The following CDKL5 variants were observed in gnomAD, a reference collection of about 807,000 sequenced individuals.
The protein encoded by CDKL5 is cyclin-dependent kinase-like 5.
CDKL5 carries 8 observed loss-of-function variants against 61.7 expected under a neutral mutation model. The observed-to-expected ratio is 0.13, with a 90% confidence interval of 0.08 to 0.23. The LOEUF (loss-of-function observed/expected upper bound fraction) is 0.23. Ranked by LOEUF, CDKL5 falls within the 10% of genes least tolerant of loss-of-function variation. CDKL5 has a pLI of 1.00. For missense variants in CDKL5, 440 were observed against 734.5 expected (o/e 0.60, Z 4.63); for synonymous variants, 275 against 272.3 (o/e 1.01, Z -0.10).
At chrX:18,600,956 A>T (rs1926157449) in intron 11 of CDKL5, among the ~76,000 whole-genome samples, 1 of 111,870 alleles carries the variant, frequency 8.9e-6, no homozygotes, top group Admixed American at 9.4e-5. Flanking sequence ...ACACTGGTCT[A>T]TGGTCCATAC....
intron 3 of CDKL5, among the ~76,000 whole-genome samples, chrX:18,553,222 T>A (rs1924460917): frequency 9.0e-6 from 1 of 111,025 alleles, no homozygotes; most frequent in East Asian, 2.8e-4. Flanking sequence ...TTTACTGAGA[T>A]ATATGGGACA....
chrX:18,509,251 G>C (rs1475358629), intron 2 of CDKL5, among the ~76,000 whole-genome samples: 6 of 72,741 alleles, frequency 8.2e-5, no homozygotes, highest in Admixed American at 1.6e-4. Flanking sequence ...ACACACCCCT[G>C]TCAAGCAAAC....
rs1424986949 is a variant in CDKL5, at chrX:18,639,977, C to T, written c.*11220C>T. 2 of 111,720 alleles carry T rather than the reference C, an allele frequency of 1.8e-5. No individual in the cohort carries two copies. The highest frequency in any genetic ancestry group is 6.5e-5 in the African/African-American group (2 of 30,689). 9.2% of individuals were successfully genotyped at this position (111,720 alleles called of 1,213,427 possible). On this transcript the variant is annotated 3_prime_UTR_variant, in exon 18 of 18. Transcript: ENST00000623535. ...GGCCAATCTACAGAGACAGTCGATT[C>T]GTGGTTGCAGAGGGCTTGGGGTGGC...
chrX:18,517,067 G>C (rs1293596771), intron 3 of CDKL5, among the ~76,000 whole-genome samples: 1 of 111,746 alleles, frequency 8.9e-6, no homozygotes, highest in Non-Finnish European at 1.9e-5. Context: ...AGAGTTTTGG[G>C]CCTTTGCAAG....
chrX:18,615,035 T>C (rs1018619172), intron 15 of CDKL5, among the ~76,000 whole-genome samples: 1 of 112,415 alleles, frequency 8.9e-6, no homozygotes, highest in South Asian at 3.7e-4. Context: ...CGCGTGGATA[T>C]GTACAGAAAC....
intron 1 of CDKL5, among the ~76,000 whole-genome samples, chrX:18,455,169 A>G (rs1259457416): frequency 1.8e-5 from 2 of 111,818 alleles, no homozygotes; most frequent in East Asian, 2.8e-4. Flanking sequence ...TAGATAACCT[A>G]TGAAACTAGT....
At chrX:18,548,537 CTG>C (rs1430313616) in intron 3 of CDKL5, among the ~76,000 whole-genome samples, 1 of 112,345 alleles carries the variant, frequency 8.9e-6, no homozygotes, top group Non-Finnish European at 1.9e-5. Context: ...TCACTTTTCT[CTG>C]TAGATATGGT....
At chrX:18,476,599 A>AT (rs1921321795) in intron 1 of CDKL5, among the ~76,000 whole-genome samples, 2 of 111,832 alleles carry the variant, frequency 1.8e-5, no homozygotes, top group Admixed American at 1.9e-4. Flanking sequence ...TAAAGTCCAC[A>AT]TTCAGATTTT....
chrX:18,559,634 CTTTTTA>C (rs1224728940), intron 3 of CDKL5, among the ~76,000 whole-genome samples: 2 of 74,866 alleles, frequency 2.7e-5, no homozygotes, highest in Non-Finnish European at 5.3e-5. Flanking sequence ...TTTTTTTTTT[CTTTTTA>C]TTATTATTAT....
intron 4 of CDKL5, among the ~76,000 whole-genome samples, chrX:18,566,012 A>G (rs1203880857): frequency 8.9e-6 from 1 of 112,170 alleles, no homozygotes; most frequent in African/African-American, 3.2e-5. Flanking sequence ...GCAACAGTAG[A>G]TCAAAGCACA....
intron 1 of CDKL5, among the ~76,000 whole-genome samples, chrX:18,474,603 A>G (rs1453095709): frequency 8.9e-6 from 1 of 112,380 alleles, no homozygotes; most frequent in Non-Finnish European, 1.9e-5. Context: ...CAGTATAACA[A>G]TGCCCTTTTA....
intron 1 of CDKL5, chrX:18,443,976 CCTCTT>C (rs1931813173): frequency 1.8e-5 from 2 of 111,072 alleles, no homozygotes; most frequent in Non-Finnish European, 3.8e-5. Context: ...AATTCTCTCT[CCTCTT>C]GAGCTACTTT....
chrX:18,484,319 C>T (rs985263034), intron 1 of CDKL5, among the ~76,000 whole-genome samples: 5 of 107,822 alleles, frequency 4.6e-5, no homozygotes, highest in African/African-American at 1.7e-4. Context: ...ATAATCAATT[C>T]TTTTTTTTTG....
At chrX:18,652,517 A>T (rs1602317464) in intron 21 of CDKL5, among the ~76,000 whole-genome samples, 1 of 111,364 alleles carries the variant, frequency 9.0e-6, no homozygotes, top group African/African-American at 3.3e-5. Flanking sequence ...AAAAATACAA[A>T]AATTAGCCGA....
Position 18,632,436 on chromosome X carries a change from T to C in CDKL5, c.*3679T>C, listed in dbSNP as rs1927262414. 1 of 752,621 alleles carries C rather than the reference T, an allele frequency of 1.3e-6. No homozygotes were observed. The highest frequency in any genetic ancestry group is 1.6e-6 in the Non-Finnish European group (1 of 638,883). The allele number at this position is 752,621 out of a possible 1,213,427, so 62.0% of individuals were successfully genotyped here. ...GATTGGCATGATTTTTACCAACTGCTCAAAGGCATCCGTGGCTTTCAGCTG... is the reference window on the plus strand; with the variant it reads ...GATTGGCATGATTTTTACCAACTGCCCAAAGGCATCCGTGGCTTTCAGCTG... On this transcript the variant is annotated 3_prime_UTR_variant, in exon 18 of 18. Transcript: ENST00000623535.
intron 5 of CDKL5, among the ~76,000 whole-genome samples, chrX:18,577,043 C>T (rs745899645): frequency 1.9e-4 from 21 of 110,667 alleles, no homozygotes; most frequent in Non-Finnish European, 3.0e-4. Context: ...ACTACAGGTG[C>T]GCGCCACCAT....
chrX:18,442,944 C>T (rs1321564974), intron 1 of CDKL5, among the ~76,000 whole-genome samples: 1 of 111,693 alleles, frequency 9.0e-6, no homozygotes, highest in Non-Finnish European at 1.9e-5. Flanking sequence ...ATTATTATTC[C>T]TGTCCTCCTG....
At chrX:18,530,353 GAAAA>G (rs1392368532) in intron 3 of CDKL5, among the ~76,000 whole-genome samples, 1 of 101,820 alleles carries the variant, frequency 9.8e-6, no homozygotes, top group African/African-American at 3.6e-5. Context: ...AAAAAAAAAA[GAAAA>G]AAAATTTCTT....
intron 1 of CDKL5, among the ~76,000 whole-genome samples, chrX:18,454,868 C>T (rs1932105991): frequency 9.4e-6 from 1 of 106,266 alleles, no homozygotes; most frequent in Admixed American, 1.0e-4. Context: ...ATCATTGCAT[C>T]ACTATAATAG....
Sources: allele counts gnomAD v4.1 joint callset (sites outside exome capture counted in the v4.1 genomes callset), GRCh38; gene constraint gnomAD v4.1.1; transcripts MANE v1.5; gene names NCBI Gene and HGNC (gene_info 2026-07-23, HGNC 2026-07-21).